The following TTC39B variants were observed in gnomAD, a reference collection of about 807,000 sequenced individuals.
TTC39B encodes the protein tetratricopeptide repeat domain 39B.
TTC39B carries 92 observed loss-of-function variants against 96.6 expected under a neutral mutation model. That is an observed-to-expected ratio of 0.95 (90% CI 0.80 to 1.13). The LOEUF (loss-of-function observed/expected upper bound fraction) is 1.13. TTC39B is among the 50% of genes most tolerant of loss of function. The probability of loss-of-function intolerance (pLI) is 0.00; values close to 1 mark genes in which losing one functional copy is unlikely to be tolerated. For missense variants in TTC39B, 955 were observed against 809.3 expected (o/e 1.18, Z -2.18); for synonymous variants, 367 against 299.4 (o/e 1.23, Z -2.33).
At chr9:15,208,025 T>C (rs10961915) in intron 6 of TTC39B, among the ~76,000 whole-genome samples, 20,446 of 150,096 alleles carry the variant, frequency 0.14, 1,874 homozygotes, top group Middle Eastern at 0.21. Context: ...CATCTTATTT[T>C]TCAAATTATT....
intron 3 of TTC39B, among the ~76,000 whole-genome samples, chr9:15,221,965 T>A (rs1354960883): frequency 1.3e-5 from 2 of 152,204 alleles, no homozygotes; most frequent in Non-Finnish European, 2.9e-5. Context: ...CAAACACTGG[T>A]AACTACTCTG....
intron 1 of TTC39B, among the ~76,000 whole-genome samples, chr9:15,301,737 C>CAG (rs1210369269): frequency 7.0e-6 from 1 of 142,442 alleles, no homozygotes; most frequent in Admixed American, 7.2e-5. Flanking sequence ...GCCTGGGCAA[C>CAG]AGAGAGAGAG....
intron 17 of TTC39B, 38 bp from the exon 18 acceptor site, chr9:15,177,852 A>C (rs1479013039): frequency 7.4e-7 from 1 of 1,343,818 alleles, no homozygotes; most frequent in Non-Finnish European, 1.0e-6. Context: ...CACACAAAGA[A>C]AAATACTTTT....
chr9:15,200,400 T>C (rs1461032053), intron 7 of TTC39B, among the ~76,000 whole-genome samples: 1 of 152,200 alleles, frequency 6.6e-6, no homozygotes, highest in East Asian at 1.9e-4. Flanking sequence ...TGTTGCGAAT[T>C]TTACTCACAC....
chr9:15,166,819 G>A (rs1007152585), exon 20 of TTC39B: 2 of 150,716 alleles, frequency 1.3e-5, no homozygotes, highest in Non-Finnish European at 3.0e-5. Context: ...TTATTTGTAA[G>A]TAGTTTTGTA....
chr9:15,268,092 C>T (rs1333890184), intron 1 of TTC39B, 144 bp from the exon 2 acceptor site: 17 of 610,256 alleles, frequency 2.8e-5, no homozygotes, highest in African/African-American at 5.6e-5. Context: ...ATCAACTTAA[C>T]GCTTATGGAA....
chr9:15,190,128 CT>C (rs1400191056), intron 11 of TTC39B, among the ~76,000 whole-genome samples: 16 of 151,816 alleles, frequency 1.1e-4, no homozygotes, highest in Non-Finnish European at 5.9e-5. Context: ...AATAGATCAC[CT>C]TAATATAGAA....
intron 1 of TTC39B, among the ~76,000 whole-genome samples, chr9:15,283,798 G>A (rs2131587971): frequency 6.6e-6 from 1 of 152,146 alleles, no homozygotes; most frequent in Non-Finnish European, 1.5e-5. Context: ...TGATGCTAAG[G>A]ATATTGGTTG....
At chr9:15,276,273 G>C (rs1305321180) in intron 1 of TTC39B, among the ~76,000 whole-genome samples, 1 of 152,186 alleles carries the variant, frequency 6.6e-6, no homozygotes, top group Non-Finnish European at 1.5e-5. Context: ...GATACAACAC[G>C]AGTGTGCTTC....
intron 16 of TTC39B, among the ~76,000 whole-genome samples, chr9:15,184,656 G>A (rs754930038): frequency 2.6e-5 from 4 of 152,218 alleles, no homozygotes; most frequent in African/African-American, 4.8e-5. Flanking sequence ...GTGAGCTGGA[G>A]CTAGAATACA....
intron 6 of TTC39B, among the ~76,000 whole-genome samples, chr9:15,206,084 G>T (rs376078031): frequency 6.6e-6 from 1 of 152,104 alleles, no homozygotes; most frequent in African/African-American, 2.4e-5. Flanking sequence ...GAGCAGCATG[G>T]GGATGTGACA....
chr9:15,261,950 C>G (rs546836782), intron 2 of TTC39B, among the ~76,000 whole-genome samples: 1 of 152,120 alleles, frequency 6.6e-6, no homozygotes, highest in Non-Finnish European at 1.5e-5. Flanking sequence ...AATAAGGAAG[C>G]AAGAAACTAT....
intron 2 of TTC39B, among the ~76,000 whole-genome samples, chr9:15,226,649 T>C (rs1349263670): frequency 2.0e-5 from 3 of 152,212 alleles, no homozygotes; most frequent in Non-Finnish European, 4.4e-5. Context: ...TACTTTATTT[T>C]TAATAAACTG....
chr9:15,275,187 A>C (rs1823494444), intron 1 of TTC39B, among the ~76,000 whole-genome samples: 1 of 152,072 alleles, frequency 6.6e-6, no homozygotes, highest in Admixed American at 6.6e-5. Context: ...GATTACAGGC[A>C]TGCACCACTA....
intron 1 of TTC39B, among the ~76,000 whole-genome samples, chr9:15,268,429 T>C (rs1285026359): frequency 1.3e-5 from 2 of 152,262 alleles, no homozygotes; most frequent in African/African-American, 4.8e-5. Flanking sequence ...CCACACAGGA[T>C]AGCCCTTTGC....
intron 1 of TTC39B, among the ~76,000 whole-genome samples, chr9:15,292,649 T>A (rs10961962): frequency 0.5 from 76,135 of 151,976 alleles, 19,155 homozygotes; most frequent in East Asian, 0.67. Context: ...CCCTGAAGAC[T>A]GTGACATTGG....
At chr9:15,191,293 T>G in intron 9 of TTC39B, 38 bp from the exon 10 acceptor site, 2 of 1,387,482 alleles carry the variant, frequency 1.4e-6, no homozygotes, top group Non-Finnish European at 2.0e-6. Flanking sequence ...TATGTGTTAG[T>G]GTTTCTAACT....
intron 6 of TTC39B, 53 bp from the exon 7 acceptor site, chr9:15,203,943 T>C: frequency 6.6e-7 from 1 of 1,507,692 alleles, no homozygotes; most frequent in Non-Finnish European, 9.0e-7. Context: ...CCAAAGTGAT[T>C]GCTCTGTGAT....
chr9:15,205,881 G>C (rs1348218009), intron 6 of TTC39B, among the ~76,000 whole-genome samples: 1 of 152,124 alleles, frequency 6.6e-6, no homozygotes, highest in Non-Finnish European at 1.5e-5. Context: ...AAAGCCAAGA[G>C]CACCTTCAGG....
Sources: allele counts gnomAD v4.1 joint callset (sites outside exome capture counted in the v4.1 genomes callset), GRCh38; gene constraint gnomAD v4.1.1; transcripts MANE v1.5; gene names NCBI Gene and HGNC (gene_info 2026-07-23, HGNC 2026-07-21).